Variants in ZKSCAN2 observed in about 807,000 individuals in gnomAD.
ZKSCAN2 encodes the protein zinc finger protein with KRAB and SCAN domains 2.
ZKSCAN2 carries 38 observed loss-of-function variants against 90.5 expected under a neutral mutation model. The ratio of observed to expected loss-of-function variants is 0.42; its 90% CI spans 0.32 to 0.55. The LOEUF is 0.55. Ranked by LOEUF, ZKSCAN2 falls within the 20% of genes least tolerant of loss-of-function variation. The pLI is 0.11. For missense variants in ZKSCAN2, 1,167 were observed against 1,202.6 expected (o/e 0.97, Z 0.44); for synonymous variants, 429 against 421.6 (o/e 1.02, Z -0.22).
chr16:25,257,337 G>A lies in ZKSCAN2; in HGVS notation c.-210C>T, dbSNP rs1963122329. 7.6e-7 allele frequency: 1 copy of A among 1,319,680 alleles called. No individual in the cohort carries two copies. 81.7% of individuals were successfully genotyped at this position (1,319,680 alleles called of 1,614,324 possible). On this transcript the variant is annotated 5_prime_UTR_variant, in exon 1 of 7. Coordinates refer to ENST00000328086, the MANE Select transcript of ZKSCAN2 (RefSeq NM_001012981.5). ...CGTATACTCTAAGATGCAAAAGCCT[G>A]GCCTCTTCTCCAAACAAGATGTGAC... is the stretch of plus-strand genomic sequence containing the variant.
chr16:25,243,638 T>C (rs1962885980), intron 6 of ZKSCAN2, 147 bp downstream of exon 6: 1 of 1,040,700 alleles, frequency 9.6e-7, no homozygotes, highest in Admixed American at 2.6e-5. Context: ...ACATCACTGC[T>C]ATATCCCCTG....
Position 25,239,977 on chromosome 16 carries a change from AG to A in ZKSCAN2, c.2742del (p.Tyr915MetfsTer24). On this transcript the variant is annotated frameshift_variant, in exon 7 of 7. Coordinates refer to ENST00000328086, the MANE Select transcript of ZKSCAN2 (RefSeq NM_001012981.5). LOFTEE classifies it low-confidence loss of function (END_TRUNC). ...EHRRIHTGEK[P>X]YGCAQCGKRF... ...CGTTTGCCACACTGGGCACATCCAT[AG>A]GGCTTCTCTCCAGTGTGTATTCTCC... 1 of 1,614,154 alleles carries A rather than the reference AG, an allele frequency of 6.2e-7. No individual in the cohort carries two copies. The highest frequency in any genetic ancestry group is 1.1e-5 in the South Asian group (1 of 91,084).
At chr16:25,256,429 TCTTA>T (rs1347839693) in intron 1 of ZKSCAN2, among the ~76,000 whole-genome samples, 8 of 152,086 alleles carry the variant, frequency 5.3e-5, no homozygotes, top group Non-Finnish European at 1.2e-4. Flanking sequence ...CATATTGTTC[TCTTA>T]TATTGTTTTG....
chr16:25,249,896 C>G (rs1962993625), intron 4 of ZKSCAN2, among the ~76,000 whole-genome samples: 1 of 152,140 alleles, frequency 6.6e-6, no homozygotes, highest in African/African-American at 2.4e-5. Context: ...TACTCCCGTG[C>G]TCAATGAAGC....
intron 5 of ZKSCAN2, among the ~76,000 whole-genome samples, chr16:25,244,728 TC>T (rs1034768026): frequency 1.6e-4 from 24 of 152,204 alleles, no homozygotes; most frequent in African/African-American, 5.8e-4. Flanking sequence ...ATAGGAACTT[TC>T]CCCCTCAAAT....
At position 25,244,102 on chromosome 16, in the gene ZKSCAN2, T is replaced by G. The variant is rs773877242; in HGVS notation, c.1664A>C (p.Lys555Thr). ...CTTGCGGTAACTCTTCTGAAGGCTT[T>G]TGAACTTGGTTCGGCACTGTTCTGG... The part of the protein sequence containing the change: ...RTPEQCRTKF[K>T]SLQKSYRKVK... The change falls in exon 6 of 7, where the codon AAA becomes ACA. Residue 555 changes from lysine to threonine, a missense_variant. Transcript: ENST00000328086. 3 of 1,614,192 alleles carry G rather than the reference T, an allele frequency of 1.9e-6. No individual in the cohort carries two copies. Among genetic ancestry groups the G allele is most frequent in the Non-Finnish European group, 2.5e-6 (3 of 1,180,046 alleles).
chr16:25,252,284 T>C (rs1248816054), intron 3 of ZKSCAN2, among the ~76,000 whole-genome samples: 3 of 152,140 alleles, frequency 2.0e-5, no homozygotes, highest in African/African-American at 7.2e-5. Context: ...GGGGGAAATA[T>C]ACTTATACAC....
In ZKSCAN2 at chr16:25,239,766, G is replaced by A; in HGVS notation, c.*50C>T. On this transcript the variant is annotated 3_prime_UTR_variant, in exon 7 of 7. Transcript: ENST00000328086. Reference sequence around the variant, plus strand: ...CTAAGAAAAGATTGCTTCCAAGAATGAGATTAGGGTAAAATGGCTAAGGGG... The same window carrying A: ...CTAAGAAAAGATTGCTTCCAAGAATAAGATTAGGGTAAAATGGCTAAGGGG... The A allele has an allele frequency of 6.9e-7, 1 of 1,450,014 alleles. No individual in the cohort carries two copies. Among genetic ancestry groups the A allele is most frequent in the Non-Finnish European group, 9.3e-7 (1 of 1,073,844 alleles). 89.8% of individuals were successfully genotyped at this position (1,450,014 alleles called of 1,614,324 possible).
At chr16:25,246,599 G>A in intron 5 of ZKSCAN2, 108 bp downstream of exon 5, 1 of 1,093,622 alleles carries the variant, frequency 9.1e-7, no homozygotes, top group Non-Finnish European at 1.4e-6. Flanking sequence ...TGAAAGTGGT[G>A]AGGTGTGTGT....
Position 25,239,768 on chromosome 16 carries a change from G to A in ZKSCAN2, c.*48C>T, listed in dbSNP as rs541034210. On this transcript the variant is annotated 3_prime_UTR_variant, in exon 7 of 7. Coordinates refer to ENST00000328086, the MANE Select transcript of ZKSCAN2 (RefSeq NM_001012981.5). ...AAGAAAAGATTGCTTCCAAGAATGAGATTAGGGTAAAATGGCTAAGGGGGC... is the reference window on the plus strand; with the variant it reads ...AAGAAAAGATTGCTTCCAAGAATGAAATTAGGGTAAAATGGCTAAGGGGGC... 2.7e-6 allele frequency: 4 copies of A among 1,470,064 alleles called. No individual in the cohort carries two copies. The highest frequency in any genetic ancestry group is 1.8e-4 in the Middle Eastern group (1 of 5,596). The allele number at this position is 1,470,064 out of a possible 1,614,324, so 91.1% of individuals were successfully genotyped here. A position where few individuals can be genotyped will look rare whatever the true frequency, so the allele number is the denominator to read the frequency against.
At position 25,240,571 on chromosome 16, in the gene ZKSCAN2, G is replaced by C. The variant is rs1263933857; in HGVS notation, c.2149C>G (p.Leu717Val). The stretch of plus-strand genomic sequence containing the variant: ...GGCTTTCCCTGTCTAATTCCTTGAA[G>C]ATTTTCCCATTGTCTTCCTGAGATG... ...ECISGRQWENLQGIRQGKPMS... is the reference protein window; with the variant it reads ...ECISGRQWENVQGIRQGKPMS... Residue 717 changes from leucine (L) to valine (V), a missense_variant, in exon 7 of 7, where the codon CTT becomes GTT. Coordinates refer to ENST00000328086, the MANE Select transcript of ZKSCAN2 (RefSeq NM_001012981.5). 1 of 1,614,028 alleles carries C rather than the reference G, an allele frequency of 6.2e-7. No individual in the cohort carries two copies. Among genetic ancestry groups the C allele is most frequent in the African/African-American group, 1.3e-5 (1 of 74,898 alleles).
At chr16:25,243,117 A>G (rs1395590137) in intron 6 of ZKSCAN2, among the ~76,000 whole-genome samples, 1 of 152,234 alleles carries the variant, frequency 6.6e-6, no homozygotes, top group Non-Finnish European at 1.5e-5. Context: ...CACACCCCAT[A>G]TAACCATAAG....
intron 3 of ZKSCAN2, among the ~76,000 whole-genome samples, chr16:25,252,370 G>C (rs1274742677): frequency 6.6e-6 from 1 of 151,668 alleles, no homozygotes; most frequent in African/African-American, 2.4e-5. Context: ...GGAATAAGGG[G>C]GAAATATACT....
At chr16:25,245,817 A>G (rs1962925367) in intron 5 of ZKSCAN2, among the ~76,000 whole-genome samples, 1 of 152,082 alleles carries the variant, frequency 6.6e-6, no homozygotes, top group Non-Finnish European at 1.5e-5. Flanking sequence ...GTAAAGAAAC[A>G]TTACTAATAA....
In ZKSCAN2 at chr16:25,246,726, G is replaced by A; in HGVS notation, c.1470C>T (p.Val490=). The stretch of plus-strand genomic sequence containing the variant: ...TCTTACCACTGAGATTCTGAAACAA[G>A]ACAGGGGCACCATGGATTTCAGACT... ...IRKSEIHGAP[V]LFQNLSGVHW... The change falls in exon 5 of 7, where the codon GTC becomes GTT. Residue 490 remains valine (V), a synonymous_variant. Transcript: ENST00000328086. The A allele has an allele frequency of 6.2e-7, 1 of 1,614,188 alleles. No homozygotes were observed.
At chr16:25,242,942 G>A (rs373754679) in intron 6 of ZKSCAN2, among the ~76,000 whole-genome samples, 48 of 152,372 alleles carry the variant, frequency 3.2e-4, no homozygotes, top group Non-Finnish European at 5.0e-4. Context: ...CCACAGGGAA[G>A]AGCCGTGGTG....
Position 25,252,999 on chromosome 16 carries a change from A to G in ZKSCAN2, c.625T>C (p.Trp209Arg), listed in dbSNP as rs1012899397. The change falls in exon 3 of 7, where the codon TGG becomes CGG. Residue 209 changes from tryptophan (W) to arginine (R), a missense_variant. Coordinates refer to ENST00000328086, the MANE Select transcript of ZKSCAN2 (RefSeq NM_001012981.5). ...GTCACTTCCTGATCTAGGGTATTCC[A>G]TTCATCAGCAAGGGCAGGAACCCAG... Reference protein sequence around the residue: ...SPWVPALADEWNTLDQEVTTT... With the variant: ...SPWVPALADERNTLDQEVTTT... 1 of 1,613,996 alleles carries G rather than the reference A, an allele frequency of 6.2e-7. No homozygotes were observed. Among genetic ancestry groups the G allele is most frequent in the Admixed American group, 1.7e-5 (1 of 59,998 alleles).
chr16:25,245,210 C>A (rs758140116), intron 5 of ZKSCAN2, among the ~76,000 whole-genome samples: 36 of 152,136 alleles, frequency 2.4e-4, no homozygotes, highest in Non-Finnish European at 5.0e-4. Context: ...GCTCAAGCGA[C>A]CCTCTCGCTT....
chr16:25,257,480 C>T lies in ZKSCAN2; in HGVS notation c.-353G>A. The stretch of plus-strand genomic sequence containing the variant: ...GAAAGGCTGGGCGGAGGCGGACAGC[C>T]GGGCCGGGAGGGGGTGTGTCCGCTA... On this transcript the variant is annotated 5_prime_UTR_variant, in exon 1 of 7. Coordinates refer to ENST00000328086, the MANE Select transcript of ZKSCAN2 (RefSeq NM_001012981.5). 1 of 1,012,650 alleles carries T rather than the reference C, an allele frequency of 9.9e-7. No homozygotes were observed. Among genetic ancestry groups the T allele is most frequent in the African/African-American group, 1.7e-5 (1 of 58,382 alleles). The allele number at this position is 1,012,650 out of a possible 1,614,324, so 62.7% of individuals were successfully genotyped here.
Sources: allele counts gnomAD v4.1 joint callset (sites outside exome capture counted in the v4.1 genomes callset), GRCh38; gene constraint gnomAD v4.1.1; transcripts MANE v1.5; gene names NCBI Gene and HGNC (gene_info 2026-07-23, HGNC 2026-07-21).